UNC13C: variants seen among roughly 807,000 people sequenced by gnomAD.
UNC13C encodes protein unc-13 homolog C.
UNC13C carries 174 observed loss-of-function variants against 245.4 expected under a neutral mutation model. The observed-to-expected ratio is 0.71, with a 90% CI of 0.63 to 0.80. The LOEUF is 0.80. UNC13C is among the 30% of genes least tolerant of loss of function. UNC13C has a pLI of 0.00. For synonymous variants in UNC13C, 992 were observed against 895.1 expected (o/e 1.11, Z -1.93); for missense variants, 2,829 against 2,602.9 (o/e 1.09, Z -1.89).
At chr15:54,367,898 G>A (rs1055663664) in intron 17 of UNC13C, among the ~76,000 whole-genome samples, 6 of 152,066 alleles carry the variant, frequency 3.9e-5, no homozygotes, top group South Asian at 2.1e-4. Context: ...CTTTATTTAC[G>A]TTTATTTTAA....
At chr15:54,328,101 A>G (rs2038344561) in intron 14 of UNC13C, among the ~76,000 whole-genome samples, 2 of 152,070 alleles carry the variant, frequency 1.3e-5, no homozygotes, top group African/African-American at 2.4e-5. Flanking sequence ...TAACATTTCA[A>G]TGCTTTTCAA....
upstream of UNC13C, among the ~76,000 whole-genome samples, chr15:53,976,349 A>C (rs1465945478): frequency 1.3e-5 from 2 of 152,060 alleles, no homozygotes; most frequent in East Asian, 3.8e-4. Flanking sequence ...ATAAAAACTA[A>C]TGATTACCAC....
intron 2 of UNC13C, among the ~76,000 whole-genome samples, chr15:54,121,601 C>A (rs904321141): frequency 2.6e-5 from 4 of 151,872 alleles, no homozygotes; most frequent in Non-Finnish European, 4.4e-5. Context: ...TTTAATTTCC[C>A]TTGATATTTA....
chr15:54,556,661 T>A (rs116981843), intron 29 of UNC13C, among the ~76,000 whole-genome samples: 9,320 of 152,126 alleles, frequency 0.061, 395 homozygotes, highest in Admixed American at 0.13. Flanking sequence ...AAAGTTTTTT[T>A]AAATTATTTT....
upstream of UNC13C, among the ~76,000 whole-genome samples, chr15:53,978,298 C>T (rs1893778809): frequency 6.6e-6 from 1 of 152,102 alleles, no homozygotes; most frequent in African/African-American, 2.4e-5. Flanking sequence ...GAAGGCCACA[C>T]CTGGCAGTGG....
At chr15:53,851,590 T>C in the UNC13C span, among the ~76,000 whole-genome samples, 1 of 152,200 alleles carries the variant, frequency 6.6e-6, no homozygotes, top group Non-Finnish European at 1.5e-5. Context: ...GGCAGGACTC[T>C]AACCTGATTG....
At chr15:54,456,858 G>A (rs957131323) in intron 19 of UNC13C, among the ~76,000 whole-genome samples, 4 of 151,878 alleles carry the variant, frequency 2.6e-5, no homozygotes, top group African/African-American at 9.7e-5. Flanking sequence ...TACTGATTCG[G>A]ATGCCCTTCA....
intron 14 of UNC13C, among the ~76,000 whole-genome samples, chr15:54,323,316 G>A (rs951057805): frequency 1.3e-5 from 2 of 151,962 alleles, no homozygotes; most frequent in Non-Finnish European, 2.9e-5. Context: ...TCAAAGGAAA[G>A]TATAATTGTT....
At chr15:54,264,106 C>A in intron 8 of UNC13C, 62 bp from the exon 9 acceptor site, 1 of 1,494,052 alleles carries the variant, frequency 6.7e-7, no homozygotes, top group South Asian at 1.2e-5. Context: ...TTTCCTCCCT[C>A]CTTTAGCCAT....
At chr15:54,362,966 C>G (rs762417745) in intron 17 of UNC13C, among the ~76,000 whole-genome samples, 9 of 152,048 alleles carry the variant, frequency 5.9e-5, no homozygotes, top group Non-Finnish European at 1.0e-4. Flanking sequence ...TGGTGATGGA[C>G]AAAAGGCCAG....
chr15:54,504,478 TA>T (rs1265319407), intron 22 of UNC13C, among the ~76,000 whole-genome samples: 2 of 152,190 alleles, frequency 1.3e-5, no homozygotes, highest in African/African-American at 4.8e-5. Flanking sequence ...TGAAATGATA[TA>T]GATAGAATCA....
chr15:54,152,595 T>A (rs975794367), intron 4 of UNC13C, among the ~76,000 whole-genome samples: 1 of 152,122 alleles, frequency 6.6e-6, no homozygotes, highest in Admixed American at 6.5e-5. Context: ...CACTGATACA[T>A]CCTTTATGAA....
At chr15:54,228,899 C>T (rs1195287402) in intron 4 of UNC13C, among the ~76,000 whole-genome samples, 2 of 152,196 alleles carry the variant, frequency 1.3e-5, no homozygotes, top group African/African-American at 2.4e-5. Context: ...AGTCCACTGG[C>T]TCTAAGCATA....
At chr15:54,033,777 C>T (rs1896461902) in intron 2 of UNC13C, among the ~76,000 whole-genome samples, 1 of 152,078 alleles carries the variant, frequency 6.6e-6, no homozygotes, top group Admixed American at 6.6e-5. Flanking sequence ...TAGCACCCCT[C>T]AGGAAAATGG....
chr15:54,526,740 GAAAAAAAAAA>G (rs1164016477), intron 25 of UNC13C, among the ~76,000 whole-genome samples: 5 of 63,092 alleles, frequency 7.9e-5, no homozygotes, highest in Admixed American at 4.6e-4. Flanking sequence ...ACTCCGTCTA[GAAAAAAAAAA>G]AAAAAAAAAA....
At chr15:54,461,415 G>A (rs553516172) in intron 19 of UNC13C, among the ~76,000 whole-genome samples, 7 of 152,076 alleles carry the variant, frequency 4.6e-5, no homozygotes, top group Non-Finnish European at 1.0e-4. Context: ...TATTTAACCT[G>A]TATATCATAT....
chr15:54,456,324 T>C (rs1357147879), intron 19 of UNC13C, among the ~76,000 whole-genome samples: 1 of 152,198 alleles, frequency 6.6e-6, no homozygotes, highest in Non-Finnish European at 1.5e-5. Flanking sequence ...AGTCTTGTTT[T>C]GGCTACGTAG....
chr15:54,516,799 C>CAAAAAAAAAAAAAAAAA (rs59628073), intron 24 of UNC13C, among the ~76,000 whole-genome samples: 1 of 123,646 alleles, frequency 8.1e-6, no homozygotes, highest in Non-Finnish European at 1.6e-5. Flanking sequence ...GATGCTGTCT[C>CAAAAAAAAAAAAAAAAA]AAAAAAAAAA....
At chr15:54,080,078 C>T (rs1405432454) in intron 2 of UNC13C, among the ~76,000 whole-genome samples, 2 of 144,854 alleles carry the variant, frequency 1.4e-5, no homozygotes, top group African/African-American at 2.5e-5. Context: ...TTGAGAGGAT[C>T]GTATAGTTTT....
Sources: gnomAD v4.1 joint callset for allele counts (sites outside exome capture counted in the v4.1 genomes callset) on GRCh38, gnomAD v4.1.1 for gene constraint, MANE v1.5 for transcripts, NCBI Gene and HGNC (gene_info 2026-07-23, HGNC 2026-07-21) for gene names.